METTL24: variants seen among roughly 807,000 people sequenced by gnomAD.
The protein encoded by METTL24 is probable methyltransferase-like protein 24.
METTL24 carries 29 observed loss-of-function variants against 32.7 expected under a neutral mutation model. That is an observed-to-expected ratio of 0.89 (90% CI 0.66 to 1.21). The LOEUF (loss-of-function observed/expected upper bound fraction) is 1.21. Among genes scored for constraint, METTL24 ranks in the 50% most tolerant of loss-of-function variants. The probability of loss-of-function intolerance (pLI) is 0.00; values close to 1 mark genes in which losing one functional copy is unlikely to be tolerated. For missense variants in METTL24, 439 were observed against 468.1 expected (o/e 0.94, Z 0.57); for synonymous variants, 163 against 179.5 (o/e 0.91, Z 0.73).
At chr6:110,329,855 C>T (rs1225770643) in intron 1 of METTL24, among the ~76,000 whole-genome samples, 1 of 152,312 alleles carries the variant, frequency 6.6e-6, no homozygotes, top group East Asian at 1.9e-4. Context: ...TCCCACCCCG[C>T]GCCTCCCACG....
intron 4 of METTL24, among the ~76,000 whole-genome samples, chr6:110,269,499 T>C (rs1235232515): frequency 6.6e-6 from 1 of 152,218 alleles, no homozygotes; most frequent in Non-Finnish European, 1.5e-5. Flanking sequence ...GTCCCGAGAC[T>C]TTTTGATCCC....
intron 3 of METTL24, among the ~76,000 whole-genome samples, chr6:110,309,941 G>A (rs892819222): frequency 9.2e-5 from 14 of 151,992 alleles, no homozygotes; most frequent in Non-Finnish European, 1.8e-4. Context: ...AGATATGCAC[G>A]TATTACATAA....
In METTL24 at chr6:110,335,146, A is replaced by T. The variant is rs142143391; in HGVS notation, c.319-12274T>A. On this transcript the variant is annotated intron_variant, in intron 1 of 4. Coordinates refer to ENST00000338882, the MANE Select transcript of METTL24 (RefSeq NM_001123364.3). Reference sequence around the variant, plus strand: ...TATTACGAAGTGGCCTTTTTCAGGGACATGAAGAATTGCTGAAGGAAGCAG... The same window carrying T: ...TATTACGAAGTGGCCTTTTTCAGGGTCATGAAGAATTGCTGAAGGAAGCAG... Among the ~76,000 whole-genome samples, 286 of 152,338 alleles carry T rather than the reference A, an allele frequency of 1.9e-3. 3 individuals are homozygous for T. Among genetic ancestry groups the T allele is most frequent in the African/African-American group, 6.7e-3 (278 of 41,586 alleles).
At chr6:110,327,416 C>T (rs1221596919) in intron 1 of METTL24, among the ~76,000 whole-genome samples, 1 of 152,182 alleles carries the variant, frequency 6.6e-6, no homozygotes, top group Non-Finnish European at 1.5e-5. Flanking sequence ...TTTTTCATTT[C>T]CAACTGAGTG....
At chr6:110,297,137 A>T (rs528817670) in intron 4 of METTL24, among the ~76,000 whole-genome samples, 10 of 152,302 alleles carry the variant, frequency 6.6e-5, no homozygotes, top group South Asian at 6.2e-4. Context: ...ATATTTTTTT[A>T]AAAAATAAGT....
rs1226390797 is a variant in METTL24, at chr6:110,244,565, TCAGGAAACTTA to T, written c.*1370_*1380del. Among the ~76,000 whole-genome samples, 1 of 152,140 alleles carries T rather than the reference TCAGGAAACTTA, an allele frequency of 6.6e-6. No individual in the cohort carries two copies. Among genetic ancestry groups the T allele is most frequent in the Non-Finnish European group, 1.5e-5 (1 of 68,030 alleles). On this transcript the variant is annotated 3_prime_UTR_variant, in exon 5 of 5. Transcript: ENST00000338882. ...ACAGTTTAGCATGGCTGGCGAGGCC[TCAGGAAACTTA>T]CAGTCGTGGTGGAAGGGGAAGCAAA... is the stretch of plus-strand genomic sequence containing the variant.
chr6:110,342,898 G>T (rs959458738), intron 1 of METTL24, among the ~76,000 whole-genome samples: 2 of 152,300 alleles, frequency 1.3e-5, no homozygotes, highest in South Asian at 2.1e-4. Flanking sequence ...CCTTTTTATA[G>T]TTGAGTAAGT....
chr6:110,348,139 T>C (rs1355878851), intron 1 of METTL24, among the ~76,000 whole-genome samples: 1 of 152,224 alleles, frequency 6.6e-6, no homozygotes, highest in East Asian at 1.9e-4. Context: ...ACTGAACTCT[T>C]TCCATGTGAA....
At chr6:110,323,237 C>T (rs941037802) in intron 1 of METTL24, among the ~76,000 whole-genome samples, 8 of 152,252 alleles carry the variant, frequency 5.3e-5, no homozygotes, top group African/African-American at 1.7e-4. Flanking sequence ...AAGAAACTCC[C>T]TTATCGACGA....
intron 4 of METTL24, among the ~76,000 whole-genome samples, chr6:110,293,302 C>T (rs143002909): frequency 7.9e-5 from 12 of 152,108 alleles, no homozygotes; most frequent in African/African-American, 2.2e-4. Flanking sequence ...AGACCTTGCA[C>T]ATGTCTCATT....
intron 1 of METTL24, among the ~76,000 whole-genome samples, chr6:110,336,133 G>C (rs1355900196): frequency 6.6e-6 from 1 of 152,188 alleles, no homozygotes; most frequent in East Asian, 1.9e-4. Context: ...TGTCATGGAG[G>C]ATAAATCCTT....
intron 4 of METTL24, among the ~76,000 whole-genome samples, chr6:110,294,327 G>T (rs1771372922): frequency 6.6e-6 from 1 of 151,972 alleles, no homozygotes; most frequent in Admixed American, 6.5e-5. Context: ...GGGCACCCAG[G>T]TTGAATGGGT....
intron 1 of METTL24, among the ~76,000 whole-genome samples, chr6:110,328,558 C>G (rs754750309): frequency 6.6e-6 from 1 of 151,916 alleles, no homozygotes; most frequent in Non-Finnish European, 1.5e-5. Flanking sequence ...AGCCATGAGG[C>G]TTTGGGATAT....
Position 110,244,216 on chromosome 6 carries a change from A to T in METTL24, c.*1730T>A, listed in dbSNP as rs1480110325. On this transcript the variant is annotated 3_prime_UTR_variant, in exon 5 of 5. Coordinates refer to ENST00000338882, the MANE Select transcript of METTL24 (RefSeq NM_001123364.3). ...GAGATAATGTATTTTTTTAAAAAAG[A>T]TTTGACAGCATAGGCAAGTCTGTGG... Among the ~76,000 whole-genome samples the T allele has an allele frequency of 6.6e-6, 1 of 152,172 alleles. No individual in the cohort carries two copies. The highest frequency in any genetic ancestry group is 1.9e-4 in the East Asian group (1 of 5,186).
intron 4 of METTL24, among the ~76,000 whole-genome samples, chr6:110,259,656 AC>A (rs1477097402): frequency 1.3e-5 from 2 of 152,208 alleles, no homozygotes; most frequent in Non-Finnish European, 1.5e-5. Flanking sequence ...CTGAGAACGG[AC>A]AGACTGCCTC....
chr6:110,325,899 G>A (rs979415634), intron 1 of METTL24, among the ~76,000 whole-genome samples: 1 of 152,150 alleles, frequency 6.6e-6, no homozygotes, highest in African/African-American at 2.4e-5. Context: ...GGCCCGTTGT[G>A]CATTCCTCCC....
intron 4 of METTL24, among the ~76,000 whole-genome samples, chr6:110,268,543 T>C (rs1770900135): frequency 6.6e-6 from 1 of 152,188 alleles, no homozygotes; most frequent in African/African-American, 2.4e-5. Flanking sequence ...CTGCCATTCC[T>C]GGGGGTAAGC....
At chr6:110,339,002 A>G (rs1186968758) in intron 1 of METTL24, among the ~76,000 whole-genome samples, 1 of 152,210 alleles carries the variant, frequency 6.6e-6, no homozygotes, top group Admixed American at 6.5e-5. Context: ...CCTCCTGGTC[A>G]TAACTGTTCT....
At chr6:110,265,316 A>G (rs1770836496) in intron 4 of METTL24, among the ~76,000 whole-genome samples, 1 of 152,182 alleles carries the variant, frequency 6.6e-6, no homozygotes, top group African/African-American at 2.4e-5. Context: ...ATACAAATTC[A>G]GATCCTATGA....
Sources: gnomAD v4.1 joint callset for allele counts (sites outside exome capture counted in the v4.1 genomes callset) on GRCh38, gnomAD v4.1.1 for gene constraint, MANE v1.5 for transcripts, NCBI Gene and HGNC (gene_info 2026-07-23, HGNC 2026-07-21) for gene names.